The following MICAL3 variants were observed in gnomAD, a reference collection of about 807,000 sequenced individuals.
MICAL3 encodes microtubule associated monooxygenase, calponin and LIM domain containing 3.
In MICAL3, 62 loss-of-function variants were observed where a neutral mutation model predicts 207.4. That is an observed-to-expected ratio of 0.30 (90% CI 0.24 to 0.37). The LOEUF is 0.37. Among genes scored for constraint, MICAL3 ranks in the 10% least tolerant of loss-of-function variants. MICAL3 has a pLI of 1.00. For synonymous variants in MICAL3, 1,077 were observed against 1,069.3 expected (o/e 1.01, Z -0.14); for missense variants, 2,368 against 2,635.6 (o/e 0.90, Z 2.22).
At chr22:17,944,308 A>AT (rs574268445) in intron 1 of MICAL3, among the ~76,000 whole-genome samples, 78 of 152,322 alleles carry the variant, frequency 5.1e-4, no homozygotes, top group Non-Finnish European at 9.3e-4. Flanking sequence ...CATCTCATGA[A>AT]TGAAGCTGTT....
intron 29 of MICAL3, 190 bp from the exon 30 acceptor site, chr22:17,791,491 C>T (rs1039533932): frequency 1.8e-5 from 11 of 604,376 alleles, no homozygotes; most frequent in South Asian, 3.8e-5. Flanking sequence ...TGCGCTTTCC[C>T]GTGTCCTGCC....
chr22:17,865,004 A>G lies in MICAL3; in HGVS notation c.2518-18T>C, dbSNP rs1475436591. The G allele has an allele frequency of 7.5e-6, 12 of 1,591,824 alleles. No individual in the cohort carries two copies. In the East Asian group the frequency reaches 2.7e-4, roughly 36 times the overall value. On this transcript the variant is annotated intron_variant, in intron 18 of 31. Coordinates refer to ENST00000441493, the MANE Select transcript of MICAL3 (RefSeq NM_015241.3). ...TTGGCCTCCTAGGAAAGTTCATGAG[A>G]AAAAGAAGAGTGACTCTGACTGATG... is the stretch of plus-strand genomic sequence containing the variant.
At position 17,816,823 on chromosome 22, in the gene MICAL3, C is replaced by T. The variant is rs952333098; in HGVS notation, c.5351-39G>A. ...GAGGCCACGTGAGGACAGCGCCAGA[C>T]AGCAGGCGCAGCCCTCTCCTGCTCC... is the stretch of plus-strand genomic sequence containing the variant. On this transcript the variant is annotated intron_variant, in intron 26 of 31. Transcript: ENST00000441493. The T allele has an allele frequency of 7.1e-6, 10 of 1,413,454 alleles. No homozygotes were observed. In the Admixed American group the frequency reaches 1.6e-4, roughly 22 times the overall value. The allele number at this position is 1,413,454 out of a possible 1,614,324, so 87.6% of individuals were successfully genotyped here.
intron 1 of MICAL3, among the ~76,000 whole-genome samples, chr22:18,016,054 C>A (rs1158198004): frequency 6.6e-6 from 1 of 152,052 alleles, no homozygotes; most frequent in African/African-American, 2.4e-5. Flanking sequence ...TATGGCTTTT[C>A]CTATATAGTG....
chr22:17,927,579 A>G (rs141622378), intron 1 of MICAL3, among the ~76,000 whole-genome samples: 1 of 151,838 alleles, frequency 6.6e-6, no homozygotes, highest in African/African-American at 2.4e-5. Context: ...TAACCTCCCA[A>G]CACCCCTGTA....
chr22:17,855,468 C>G (rs1925790502), intron 19 of MICAL3, among the ~76,000 whole-genome samples: 1 of 152,124 alleles, frequency 6.6e-6, no homozygotes, highest in South Asian at 2.1e-4. Context: ...GCAGTTACAC[C>G]AGAACTCAAA....
chr22:17,818,822 A>G lies in MICAL3; in HGVS notation c.3839T>C (p.Ile1280Thr), dbSNP rs2146009528. The change falls in exon 26 of 32, where the codon ATA becomes ACA. Residue 1280 changes from isoleucine (I) to threonine (T), a missense_variant. Ile to Thr is a moderately conservative substitution (Grantham distance 89). Transcript: ENST00000441493. Reference sequence around the variant, plus strand: ...TTTGGCCGGGGCAGGCTGGAAGCGTATGGGGGACTGGGTAGGGGATGGGAC... The same window carrying G: ...TTTGGCCGGGGCAGGCTGGAAGCGTGTGGGGGACTGGGTAGGGGATGGGAC... ...ATVPSPTQSP[I>T]RFQPAPAKTS... The G allele has an allele frequency of 6.7e-6, 9 of 1,335,410 alleles. No homozygotes were observed. Among genetic ancestry groups the G allele is most frequent in the Non-Finnish European group, 8.9e-6 (9 of 1,006,254 alleles). 82.7% of individuals were successfully genotyped at this position (1,335,410 alleles called of 1,614,324 possible).
At chr22:17,909,124 T>C (rs1931951889) in intron 1 of MICAL3, among the ~76,000 whole-genome samples, 2 of 152,142 alleles carry the variant, frequency 1.3e-5, no homozygotes, top group Non-Finnish European at 2.9e-5. Flanking sequence ...GACACAACAC[T>C]CGTCACATAA....
intron 20 of MICAL3, among the ~76,000 whole-genome samples, chr22:17,839,419 G>T (rs1923764004): frequency 6.6e-6 from 1 of 151,622 alleles, no homozygotes; most frequent in South Asian, 2.1e-4. Flanking sequence ...ACCACACCTG[G>T]CAAGTTTTTG....
chr22:18,015,057 T>C (rs940990779), intron 1 of MICAL3, among the ~76,000 whole-genome samples: 4 of 152,168 alleles, frequency 2.6e-5, no homozygotes, highest in African/African-American at 9.7e-5. Context: ...ATTCAAGTTT[T>C]CCCAGGCCTG....
At position 17,919,076 on chromosome 22, in the gene MICAL3, G is replaced by GTTTTTTTTTTTTTTTTTT. The variant is rs35096617; in HGVS notation, c.-74-12191_-74-12190insAAAAAAAAAAAAAAAAAA. Among the ~76,000 whole-genome samples, 287 of 136,420 alleles carry GTTTTTTTTTTTTTTTTTT rather than the reference G, an allele frequency of 2.1e-3. 15 individuals are homozygous for GTTTTTTTTTTTTTTTTTT. Among genetic ancestry groups the GTTTTTTTTTTTTTTTTTT allele is most frequent in the African/African-American group, 8.1e-3 (273 of 33,758 alleles). 89.5% of individuals were successfully genotyped at this position (136,420 alleles called of 152,430 possible). ...CTCCAAATGTTTTTGGTTTTTGTGG[G>GTTTTTTTTTTTTTTTTTT]TTTTTTTTTTTTTTGAGACAGGCTC... On this transcript the variant is annotated intron_variant, in intron 1 of 31. Transcript: ENST00000441493.
At chr22:17,937,616 T>C (rs1933601997) in intron 1 of MICAL3, among the ~76,000 whole-genome samples, 2 of 152,186 alleles carry the variant, frequency 1.3e-5, no homozygotes, top group South Asian at 4.1e-4. Context: ...TGAGCCAAGA[T>C]CACGCCATTG....
At chr22:17,806,890 TC>T (rs1483619161) in intron 29 of MICAL3, among the ~76,000 whole-genome samples, 1 of 152,256 alleles carries the variant, frequency 6.6e-6, no homozygotes, top group East Asian at 1.9e-4. Flanking sequence ...TATATTATTT[TC>T]CGGCCCTTTG....
chr22:17,974,808 C>A (rs1315802681), intron 1 of MICAL3, among the ~76,000 whole-genome samples: 1 of 150,710 alleles, frequency 6.6e-6, no homozygotes, highest in Non-Finnish European at 1.5e-5. Flanking sequence ...TATGTGCTTA[C>A]TGTGTGATGA....
chr22:17,910,117 C>A (rs576328492), intron 1 of MICAL3, among the ~76,000 whole-genome samples: 1 of 152,318 alleles, frequency 6.6e-6, no homozygotes. Flanking sequence ...AACTCCTTGC[C>A]AGGATTCAGA....
chr22:17,845,127 C>T (rs1224711253), intron 19 of MICAL3, among the ~76,000 whole-genome samples: 2 of 152,166 alleles, frequency 1.3e-5, no homozygotes, highest in African/African-American at 2.4e-5. Flanking sequence ...CAAGCAACTA[C>T]CCAAGAATCA....
chr22:17,806,261 C>T lies in MICAL3; in HGVS notation c.5650+2583G>A, dbSNP rs559806350. ...CACCTGCCACCGTTCAGGGTCTGTC[C>T]GGGAGAGCTACAGCTCACTGACAGC... On this transcript the variant is annotated intron_variant, in intron 29 of 31. Transcript: ENST00000441493. Among the ~76,000 whole-genome samples, 5 of 152,302 alleles carry T rather than the reference C, an allele frequency of 3.3e-5. No individual in the cohort carries two copies. In the South Asian group the frequency reaches 8.3e-4, roughly 25 times the overall value.
chr22:17,857,463 G>T (rs1406834934), intron 19 of MICAL3, among the ~76,000 whole-genome samples: 1 of 152,236 alleles, frequency 6.6e-6, no homozygotes, highest in African/African-American at 2.4e-5. Context: ...ACCAGACCCT[G>T]GTGCCAGCAA....
chr22:17,874,848 C>T (rs1455783771), intron 16 of MICAL3, among the ~76,000 whole-genome samples: 1 of 152,132 alleles, frequency 6.6e-6, no homozygotes, highest in Non-Finnish European at 1.5e-5. Flanking sequence ...CAGATCCCGC[C>T]GCACACCATA....
Sources: gnomAD v4.1 joint callset for allele counts (sites outside exome capture counted in the v4.1 genomes callset) on GRCh38, gnomAD v4.1.1 for gene constraint, MANE v1.5 for transcripts, NCBI Gene and HGNC (gene_info 2026-07-23, HGNC 2026-07-21) for gene names.